Variants in PCDHGB6 observed in about 807,000 individuals in gnomAD.
PCDHGB6 encodes the protein protocadherin gamma-B6.
A neutral mutation model predicts 59.1 loss-of-function variants in PCDHGB6; 51 were observed. The ratio of observed to expected loss-of-function variants is 0.86; its 90% CI spans 0.69 to 1.09. The LOEUF (loss-of-function observed/expected upper bound fraction) is 1.09, where lower values mean the gene tolerates loss of function less well. PCDHGB6 is among the 50% of genes least tolerant of loss of function. PCDHGB6 has a pLI of 0.00. For missense variants in PCDHGB6, 1,148 were observed against 1,205.1 expected, an observed-to-expected ratio of 0.95 and a Z score of 0.70; for synonymous variants, 466 against 495.1, an observed-to-expected ratio of 0.94 and a Z score of 0.78.
rs1368632691 is a variant in PCDHGB6 at position 141,485,071 on chromosome 5, C to A, written c.2419-9736C>A. ...GCCGGCCGAACCGCGCCAGAGCTGG[C>A]GCGGGGAAAGGGAGATAGGTGTCTC... On this transcript the variant is annotated intron_variant, in intron 1 of 3. Coordinates refer to ENST00000520790, the MANE Select transcript of PCDHGB6 (RefSeq NM_018926.3). This position sits in a 1 kb window ranked among gnomAD's most constrained non-coding sequence, Gnocchi z 5.7. 3.3e-6 allele frequency: 3 copies of A among 913,030 alleles called. No individual in the cohort carries two copies. Among genetic ancestry groups the A allele is most frequent in the Non-Finnish European group, 5.1e-6 (3 of 584,604 alleles). 56.6% of individuals were successfully genotyped at this position (913,030 alleles called of 1,614,324 possible).
At position 141,511,574 on chromosome 5, in the gene PCDHGB6, GT is replaced by G. The variant is rs1158598698; in HGVS notation, c.*403del. ...CAGTTCCTCTTTCCCGAGTAAGGTG[GT>G]TGGGGTGTTGAAGTACCAAGTAACC... On this transcript the variant is annotated 3_prime_UTR_variant, in exon 4 of 4. Coordinates refer to ENST00000520790, the MANE Select transcript of PCDHGB6 (RefSeq NM_018926.3). 3.5e-6 allele frequency: 1 copy of G among 287,556 alleles called. No individual in the cohort carries two copies. The highest frequency in any genetic ancestry group is 2.2e-5 in the African/African-American group (1 of 46,340). 17.8% of individuals were successfully genotyped at this position (287,556 alleles called of 1,614,324 possible).
intron 1 of PCDHGB6, chr5:141,421,414 C>G: frequency 6.2e-7 from 1 of 1,614,066 alleles, no homozygotes; most frequent in Non-Finnish European, 8.5e-7. Flanking sequence ...GCTGGCGAAG[C>G]GCGGAGTCCG....
chr5:141,510,272 TAAAA>T (rs546154379), intron 3 of PCDHGB6, among the ~76,000 whole-genome samples: 1 of 130,390 alleles, frequency 7.7e-6, no homozygotes, highest in East Asian at 2.2e-4. Context: ...GACTCCATCT[TAAAA>T]AAAAAAAAAA....
chr5:141,506,085 G>A lies in PCDHGB6; in HGVS notation c.2566+604G>A, dbSNP rs532931472. Among the ~76,000 whole-genome samples the A allele has an allele frequency of 2.6e-4, 39 of 152,168 alleles. 1 individual carries two copies. In the South Asian group the frequency reaches 2.9e-3, roughly 11 times the overall value. On this transcript the variant is annotated intron_variant, in intron 3 of 3. Coordinates refer to ENST00000520790, the MANE Select transcript of PCDHGB6 (RefSeq NM_018926.3). ...AGGGCTTCCTTTGTAATAGAGATTC[G>A]GCTAGTGGTGGTTGTCCCTGAAGAG...
At position 141,408,540 on chromosome 5, in the gene PCDHGB6, C is replaced by T. The variant is rs201370009; in HGVS notation, c.338C>T (p.Pro113Leu). The change falls in exon 1 of 4, where the codon CCT becomes CTT. Residue 113 changes from proline to leucine, a missense_variant. Around this residue, in one of 5 missense-constraint regions of PCDHGB6, gnomAD observed 307 missense variants for 323.8 expected, o/e 0.95. Transcript: ENST00000520790. ...ELQLEAVVEN[P>L]LNIFHVIVVI... ...CAATTGGAAGCTGTGGTGGAAAATCCTTTAAATATTTTTCATGTCATTGTG... is the reference window on the plus strand; with the variant it reads ...CAATTGGAAGCTGTGGTGGAAAATCTTTTAAATATTTTTCATGTCATTGTG... The T allele has an allele frequency of 1.6e-3, 2,593 of 1,614,046 alleles. 3 individuals are homozygous for T. Among genetic ancestry groups the T allele is most frequent in the Middle Eastern group, 4.5e-3 (27 of 6,062 alleles).
Position 141,410,440 on chromosome 5 carries a change from G to C in PCDHGB6, c.2238G>C (p.Gly746=). 1 of 1,614,036 alleles carries C rather than the reference G, an allele frequency of 6.2e-7. No homozygotes were observed. Among genetic ancestry groups the C allele is most frequent in the Non-Finnish European group, 8.5e-7 (1 of 1,179,910 alleles). ...GPVVPPNYSE[G]TLPYSYNLCI... ...TAGTTCCCCCCAACTACAGTGAGGG[G>C]ACTTTGCCTTATTCTTATAATCTGT... Residue 746 remains glycine (G), a synonymous_variant, in exon 1 of 4, where the codon GGG becomes GGC. Transcript: ENST00000520790.
intron 1 of PCDHGB6, among the ~76,000 whole-genome samples, chr5:141,461,253 C>A (rs1358900194): frequency 6.6e-6 from 1 of 152,108 alleles, no homozygotes; most frequent in Non-Finnish European, 1.5e-5. Flanking sequence ...ATATTCCCAG[C>A]AGCAATGTGT....
At chr5:141,427,519 G>A (rs1428732557) in intron 1 of PCDHGB6, 1 of 602,000 alleles carries the variant, frequency 1.7e-6, no homozygotes, top group Non-Finnish European at 3.1e-6. Context: ...GATTGGGAGC[G>A]GATCCCGGAG....
intron 1 of PCDHGB6, chr5:141,417,624 G>A (rs2096138947): frequency 1.5e-6 from 1 of 672,584 alleles, no homozygotes; most frequent in Non-Finnish European, 2.4e-6. Flanking sequence ...CAGAGCAAGC[G>A]CTGACGCCGG....
intron 2 of PCDHGB6, among the ~76,000 whole-genome samples, chr5:141,500,259 A>G (rs1595658540): frequency 6.6e-6 from 1 of 151,044 alleles, no homozygotes; most frequent in East Asian, 2.0e-4. Context: ...CCCAGGCTGG[A>G]CTGCAGTGGC....
At position 141,477,498 on chromosome 5, in the gene PCDHGB6, C is replaced by T. The variant is rs754212608; in HGVS notation, c.2419-17309C>T. ...AACCCTCCACAATCTTCTCAATCTT[C>T]CTACGACGTTTACATTGAAGAAAAC... On this transcript the variant is annotated intron_variant, in intron 1 of 3. Coordinates refer to ENST00000520790, the MANE Select transcript of PCDHGB6 (RefSeq NM_018926.3). The surrounding 1 kb of genome is among the most constrained non-coding windows in gnomAD (Gnocchi z 4.9). 3.7e-6 allele frequency: 6 copies of T among 1,614,038 alleles called. No individual in the cohort carries two copies. The highest frequency in any genetic ancestry group is 5.1e-6 in the Non-Finnish European group (6 of 1,180,038).
intron 1 of PCDHGB6, chr5:141,424,133 T>C: frequency 2.2e-6 from 1 of 450,350 alleles, no homozygotes; most frequent in South Asian, 9.6e-5. Flanking sequence ...GTTGATTTAA[T>C]AGCATGCTCC....
chr5:141,417,618 G>C, intron 1 of PCDHGB6: 3 of 654,348 alleles, frequency 4.6e-6, no homozygotes, highest in Non-Finnish European at 7.4e-6. Flanking sequence ...CCAGTGCAGA[G>C]CAAGCGCTGA....
chr5:141,417,613 G>A (rs984573855), intron 1 of PCDHGB6: 2 of 624,312 alleles, frequency 3.2e-6, no homozygotes, highest in African/African-American at 3.7e-5. Flanking sequence ...GTCGGCCAGT[G>A]CAGAGCAAGC....
rs1225265096 is a variant in PCDHGB6 at position 141,490,666 on chromosome 5, G to A, written c.2419-4141G>A. Reference sequence around the variant, plus strand: ...GCCTCCGGGCTCCCTTCTTTGCACTGTGGCTGCCTCAGATCCAGACACTGG... The same window carrying A: ...GCCTCCGGGCTCCCTTCTTTGCACTATGGCTGCCTCAGATCCAGACACTGG... On this transcript the variant is annotated intron_variant, in intron 1 of 3. Coordinates refer to ENST00000520790, the MANE Select transcript of PCDHGB6 (RefSeq NM_018926.3). The surrounding 1 kb of genome is among the most constrained non-coding windows in gnomAD (Gnocchi z 5.4). The A allele has an allele frequency of 1.2e-6, 2 of 1,614,134 alleles. No homozygotes were observed. The highest frequency in any genetic ancestry group is 3.3e-5 in the Admixed American group (2 of 60,026).
Position 141,485,966 on chromosome 5 carries a change from A to T in PCDHGB6, c.2419-8841A>T. ...AGCGGGCATGGTGCTCATCCAGCTC[A>T]ATGCCTCAGACCCGGACCTGGGTCC... On this transcript the variant is annotated intron_variant, in intron 1 of 3. Coordinates refer to ENST00000520790, the MANE Select transcript of PCDHGB6 (RefSeq NM_018926.3). The surrounding 1 kb of genome is among the most constrained non-coding windows in gnomAD (Gnocchi z 5.7). 1 of 1,614,168 alleles carries T rather than the reference A, an allele frequency of 6.2e-7. No individual in the cohort carries two copies. Among genetic ancestry groups the T allele is most frequent in the Non-Finnish European group, 8.5e-7 (1 of 1,179,988 alleles).
Position 141,490,325 on chromosome 5 carries a change from G to A in PCDHGB6, c.2419-4482G>A. 1 of 1,614,236 alleles carries A rather than the reference G, an allele frequency of 6.2e-7. No individual in the cohort carries two copies. Among genetic ancestry groups the A allele is most frequent in the Non-Finnish European group, 8.5e-7 (1 of 1,180,038 alleles). On this transcript the variant is annotated intron_variant, in intron 1 of 3. Transcript: ENST00000520790. This position sits in a 1 kb window ranked among gnomAD's most constrained non-coding sequence, Gnocchi z 5.4. ...TCTTTGGCCAACCCTGTCCTAGAGA[G>A]CACACCAGTGGGCACAGTAGTGGGG...
intron 1 of PCDHGB6, among the ~76,000 whole-genome samples, chr5:141,442,910 C>G (rs1419319938): frequency 6.6e-6 from 1 of 152,196 alleles, no homozygotes; most frequent in African/African-American, 2.4e-5. Flanking sequence ...TCCTTCAGCA[C>G]ACAACTGTTT....
chr5:141,473,784 G>A (rs1457988232), intron 1 of PCDHGB6, among the ~76,000 whole-genome samples: 1 of 152,226 alleles, frequency 6.6e-6, no homozygotes, highest in Non-Finnish European at 1.5e-5. Flanking sequence ...TTTAATTCAA[G>A]AGCAGTATGA....
Sources: allele counts gnomAD v4.1 joint callset (sites outside exome capture counted in the v4.1 genomes callset), GRCh38; gene constraint gnomAD v4.1.1; regional missense constraint gnomAD v4.1.1; non-coding constraint Gnocchi (gnomAD v3.1); transcripts MANE v1.5; gene names NCBI Gene and HGNC (gene_info 2026-07-23, HGNC 2026-07-21).